Variants in MCPH1 observed in about 807,000 individuals in gnomAD.
MCPH1 encodes the protein microcephalin 1.
Under a neutral mutation model 84.5 loss-of-function variants are expected in MCPH1, and 104 were observed. The ratio of observed to expected loss-of-function variants is 1.23; its 90% CI spans 1.05 to 1.45. MCPH1 has a LOEUF of 1.45. Ranked by LOEUF, MCPH1 falls within the 40% of genes most tolerant of loss-of-function variation. MCPH1 has a pLI of 0.00. For missense variants in MCPH1, 1,498 were observed against 1,005.7 expected, an observed-to-expected ratio of 1.49 and a Z score of -6.62; for synonymous variants, 514 against 366.8, an observed-to-expected ratio of 1.40 and a Z score of -4.58.
At chr8:6,576,622 C>G (rs571111281) in intron 12 of MCPH1, among the ~76,000 whole-genome samples, 1 of 145,934 alleles carries the variant, frequency 6.9e-6, no homozygotes, top group Admixed American at 7.1e-5. Flanking sequence ...ATTCTTCTGC[C>G]TCAGCCTTCT....
chr8:6,544,022 T>C (rs1822089188), intron 12 of MCPH1, among the ~76,000 whole-genome samples: 1 of 152,254 alleles, frequency 6.6e-6, no homozygotes, highest in African/African-American at 2.4e-5. Context: ...AGCAGTAGAA[T>C]GTTTTCAGAT....
At chr8:6,416,512 T>G (rs1290352790) in intron 3 of MCPH1, among the ~76,000 whole-genome samples, 1 of 152,228 alleles carries the variant, frequency 6.6e-6, no homozygotes, top group Non-Finnish European at 1.5e-5. Context: ...GTTTGTTTGT[T>G]TCTGATTATT....
At chr8:6,589,330 G>T (rs1176776028) in intron 12 of MCPH1, among the ~76,000 whole-genome samples, 1 of 152,118 alleles carries the variant, frequency 6.6e-6, no homozygotes, top group Non-Finnish European at 1.5e-5. Flanking sequence ...CAATGATAGT[G>T]AGTGGAGAAT....
intron 12 of MCPH1, among the ~76,000 whole-genome samples, chr8:6,511,118 C>T (rs1272922512): frequency 6.6e-6 from 1 of 152,152 alleles, no homozygotes; most frequent in Non-Finnish European, 1.5e-5. Flanking sequence ...GTTAAATTAT[C>T]CCCAGAGGCA....
intron 12 of MCPH1, among the ~76,000 whole-genome samples, chr8:6,560,142 T>C (rs1168376821): frequency 6.6e-6 from 1 of 152,228 alleles, no homozygotes. Context: ...TTCCTAAAAG[T>C]GTACGGATTT....
intron 11 of MCPH1, among the ~76,000 whole-genome samples, chr8:6,492,497 T>C (rs537773286): frequency 6.6e-6 from 1 of 152,012 alleles, no homozygotes; most frequent in East Asian, 1.9e-4. Context: ...ATTTATCAAT[T>C]TTGGCTTTTG....
chr8:6,551,353 C>A (rs1224097487), intron 12 of MCPH1, among the ~76,000 whole-genome samples: 2 of 152,036 alleles, frequency 1.3e-5, no homozygotes, highest in African/African-American at 4.8e-5. Flanking sequence ...AGCTGCAACG[C>A]CTTCATGGCA....
chr8:6,532,175 G>A (rs1819646582), intron 12 of MCPH1, among the ~76,000 whole-genome samples: 3 of 152,100 alleles, frequency 2.0e-5, no homozygotes, highest in South Asian at 4.2e-4. Flanking sequence ...TAATTCATAA[G>A]CAGCCATACA....
intron 11 of MCPH1, among the ~76,000 whole-genome samples, chr8:6,482,376 G>A (rs1178413739): frequency 1.3e-5 from 2 of 152,222 alleles, no homozygotes; most frequent in Non-Finnish European, 2.9e-5. Context: ...ACTATCCACA[G>A]TTTTAGGCAT....
At chr8:6,423,303 TAC>T (rs1392790348) in intron 3 of MCPH1, among the ~76,000 whole-genome samples, 1 of 146,974 alleles carries the variant, frequency 6.8e-6, no homozygotes, top group East Asian at 2.1e-4. Context: ...TAGCTGGGAC[TAC>T]AGGCGCCCGC....
At chr8:6,435,865 A>G (rs1802569261) in intron 4 of MCPH1, among the ~76,000 whole-genome samples, 183 bp from the exon 5 acceptor site, 1 of 152,300 alleles carries the variant, frequency 6.6e-6, no homozygotes, top group Admixed American at 6.5e-5. Flanking sequence ...AATTCTGTCC[A>G]TTTTCTTTAT....
intron 12 of MCPH1, among the ~76,000 whole-genome samples, chr8:6,605,573 A>G (rs964236685): frequency 2.6e-5 from 4 of 152,358 alleles, no homozygotes; most frequent in South Asian, 2.1e-4. Flanking sequence ...GCCAGACCAC[A>G]TAGTAGCTGG....
chr8:6,530,155 G>T (rs1333399182), intron 12 of MCPH1, among the ~76,000 whole-genome samples: 1 of 152,038 alleles, frequency 6.6e-6, no homozygotes, highest in Non-Finnish European at 1.5e-5. Context: ...ATCAAAAGGT[G>T]GGGCATGTGA....
intron 12 of MCPH1, among the ~76,000 whole-genome samples, chr8:6,585,305 G>T (rs1008882930): frequency 2.6e-5 from 4 of 152,216 alleles, no homozygotes; most frequent in Non-Finnish European, 5.9e-5. Flanking sequence ...GCCCACCACA[G>T]CAGTTGTCCC....
intron 3 of MCPH1, among the ~76,000 whole-genome samples, chr8:6,415,200 C>G (rs995602603): frequency 1.3e-5 from 2 of 151,994 alleles, no homozygotes; most frequent in South Asian, 2.1e-4. Context: ...TAACAAAGGA[C>G]CACAGAATGG....
chr8:6,642,678 A>C, intron 13 of MCPH1: 1 of 443,526 alleles, frequency 2.3e-6, no homozygotes, highest in South Asian at 2.1e-5. Context: ...CCTATGTCAC[A>C]GACTGGCAAG....
chr8:6,446,511 G>A, intron 8 of MCPH1: 1 of 984,350 alleles, frequency 1.0e-6, no homozygotes, highest in Non-Finnish European at 1.2e-6. Flanking sequence ...TATGTTTTTG[G>A]CCTGCTATTT....
intron 13 of MCPH1, chr8:6,626,152 C>A (rs1586859147): frequency 1.0e-6 from 1 of 985,166 alleles, no homozygotes; most frequent in Non-Finnish European, 1.2e-6. Flanking sequence ...TTTCTTTCGA[C>A]CTCAGCTCTG....
intron 12 of MCPH1, among the ~76,000 whole-genome samples, chr8:6,506,021 A>G (rs1813654292): frequency 6.9e-6 from 1 of 145,542 alleles, no homozygotes. Context: ...ATGTATATAT[A>G]TAAAAACATA....
Sources: allele counts gnomAD v4.1 joint callset (sites outside exome capture counted in the v4.1 genomes callset), GRCh38; gene constraint gnomAD v4.1.1; transcripts MANE v1.5; gene names NCBI Gene and HGNC (gene_info 2026-07-23, HGNC 2026-07-21).